CDH12: variants seen among roughly 807,000 people sequenced by gnomAD.
The protein encoded by CDH12 is cadherin-12.
In CDH12, 41 loss-of-function variants were observed where a neutral mutation model predicts 74.1. The observed-to-expected ratio is 0.55, with a 90% confidence interval of 0.43 to 0.72. The LOEUF is 0.72. Ranked by LOEUF, CDH12 falls within the 30% of genes least tolerant of loss-of-function variation. The pLI, the probability that CDH12 is intolerant of heterozygous loss-of-function variation, is 0.00. For synonymous variants in CDH12, 399 were observed against 355.0 expected, an observed-to-expected ratio of 1.12 and a Z score of -1.39; for missense variants, 945 against 977.2, an observed-to-expected ratio of 0.97 and a Z score of 0.44.
chr5:21,904,698 T>G (rs1331654275), intron 6 of CDH12, among the ~76,000 whole-genome samples: 1 of 152,156 alleles, frequency 6.6e-6, no homozygotes, highest in Non-Finnish European at 1.5e-5. Flanking sequence ...AAGGATTGCT[T>G]GAGCCCAAGA....
intron 1 of CDH12, among the ~76,000 whole-genome samples, chr5:22,721,073 G>A (rs937908712): frequency 5.9e-5 from 9 of 152,206 alleles, no homozygotes; most frequent in Non-Finnish European, 1.3e-4. Context: ...TGTCTCCAGG[G>A]CATGTCAGAG....
At chr5:22,224,301 G>A (rs1425423715) in intron 3 of CDH12, among the ~76,000 whole-genome samples, 1 of 151,970 alleles carries the variant, frequency 6.6e-6, no homozygotes, top group African/African-American at 2.4e-5. Flanking sequence ...CTTAAGGTGA[G>A]CAAAATCATA....
chr5:21,898,830 A>C (rs1423026891), intron 6 of CDH12, among the ~76,000 whole-genome samples: 1 of 152,182 alleles, frequency 6.6e-6, no homozygotes, highest in Non-Finnish European at 1.5e-5. Context: ...AGATGTAATC[A>C]TGAAGAAAGG....
chr5:22,600,424 G>T (rs968712885), intron 1 of CDH12, among the ~76,000 whole-genome samples: 4 of 152,022 alleles, frequency 2.6e-5, no homozygotes, highest in Admixed American at 2.0e-4. Flanking sequence ...GTTTTAGCAA[G>T]TATATGTGTA....
chr5:22,711,005 T>C (rs764832463), intron 1 of CDH12, among the ~76,000 whole-genome samples: 5 of 152,210 alleles, frequency 3.3e-5, no homozygotes, highest in Non-Finnish European at 7.4e-5. Context: ...CCAATTAGAC[T>C]ATTAATGCCT....
Position 21,809,132 on chromosome 5 carries a change from T to C in CDH12, c.1003-6712A>G, listed in dbSNP as rs183988460. Among the ~76,000 whole-genome samples the C allele has an allele frequency of 5.9e-4, 90 of 152,248 alleles. 1 individual carries two copies. Among genetic ancestry groups the C allele is most frequent in the African/African-American group, 2.0e-3 (84 of 41,588 alleles). ...AATTTTTCTGTGGACAAGTTATTAC[T>C]ATACTTTAGTGTTTTGCAACTCTGC... On this transcript the variant is annotated intron_variant, in intron 9 of 14. Transcript: ENST00000382254.
intron 11 of CDH12, among the ~76,000 whole-genome samples, chr5:21,782,930 A>G (rs1255299347): frequency 6.6e-6 from 1 of 152,164 alleles, no homozygotes; most frequent in Non-Finnish European, 1.5e-5. Flanking sequence ...GGGAGAGAAA[A>G]GGAAGATGTA....
intron 1 of CDH12, among the ~76,000 whole-genome samples, chr5:22,670,649 T>C (rs1415385101): frequency 6.6e-6 from 1 of 152,098 alleles, no homozygotes; most frequent in Non-Finnish European, 1.5e-5. Flanking sequence ...ATAATAAATA[T>C]TACTAAGGCA....
At chr5:22,249,320 A>G (rs1322118368) in intron 3 of CDH12, among the ~76,000 whole-genome samples, 1 of 152,174 alleles carries the variant, frequency 6.6e-6, no homozygotes, top group African/African-American at 2.4e-5. Context: ...AACTCATAGG[A>G]AAGAGAGGAA....
At chr5:22,824,172 G>C (rs909366199) in intron 1 of CDH12, among the ~76,000 whole-genome samples, 1 of 152,088 alleles carries the variant, frequency 6.6e-6, no homozygotes, top group African/African-American at 2.4e-5. Context: ...AGAGAAAATG[G>C]TCAACTAAAG....
At chr5:22,264,896 C>T (rs2150396310) in intron 3 of CDH12, among the ~76,000 whole-genome samples, 1 of 152,260 alleles carries the variant, frequency 6.6e-6, no homozygotes, top group South Asian at 2.1e-4. Flanking sequence ...GTGTTATAGG[C>T]CTGTCACCCC....
At chr5:21,973,603 G>T (rs2150121413) in intron 6 of CDH12, among the ~76,000 whole-genome samples, 1 of 152,242 alleles carries the variant, frequency 6.6e-6, no homozygotes, top group African/African-American at 2.4e-5. Context: ...GTGTGTGTTT[G>T]CTTTAAGGAA....
At chr5:22,137,586 T>A (rs1224093509) in intron 4 of CDH12, among the ~76,000 whole-genome samples, 1 of 152,102 alleles carries the variant, frequency 6.6e-6, no homozygotes, top group Non-Finnish European at 1.5e-5. Context: ...GAGAAGATCC[T>A]CTCGATCCAT....
At chr5:22,634,553 A>G (rs1016179804) in intron 1 of CDH12, among the ~76,000 whole-genome samples, 2 of 152,164 alleles carry the variant, frequency 1.3e-5, no homozygotes, top group Non-Finnish European at 1.5e-5. Context: ...AGTATTATGA[A>G]TGTATTTGGT....
At chr5:22,040,930 A>G (rs1279905812) in intron 5 of CDH12, among the ~76,000 whole-genome samples, 1 of 152,154 alleles carries the variant, frequency 6.6e-6, no homozygotes, top group Non-Finnish European at 1.5e-5. Context: ...AGTACTATAT[A>G]AATCATATAT....
intron 9 of CDH12, 118 bp from the exon 10 acceptor site, chr5:21,802,538 C>T: frequency 1.3e-6 from 1 of 753,494 alleles, no homozygotes. Context: ...TTAAAATTTT[C>T]ATTTTTCTTA....
intron 2 of CDH12, among the ~76,000 whole-genome samples, chr5:22,467,732 C>T (rs1006271060): frequency 6.6e-6 from 1 of 152,150 alleles, no homozygotes. Flanking sequence ...TAAAGAACAT[C>T]TAATGACTAA....
intron 4 of CDH12, among the ~76,000 whole-genome samples, chr5:22,112,158 T>C (rs573899574): frequency 6.6e-6 from 1 of 152,162 alleles, no homozygotes; most frequent in South Asian, 2.1e-4. Context: ...ATTTTGTAAT[T>C]GAAAAAAAAC....
intron 10 of CDH12, among the ~76,000 whole-genome samples, chr5:21,789,301 G>A (rs1049206207): frequency 1.1e-4 from 17 of 152,182 alleles, no homozygotes; most frequent in Non-Finnish European, 2.4e-4. Context: ...GGTTGCGAAG[G>A]AAAGAGAAAC....
Sources: allele counts gnomAD v4.1 joint callset (sites outside exome capture counted in the v4.1 genomes callset), GRCh38; gene constraint gnomAD v4.1.1; transcripts MANE v1.5; gene names NCBI Gene and HGNC (gene_info 2026-07-23, HGNC 2026-07-21).